Variants in RPH3A observed in about 807,000 individuals in gnomAD.
The protein encoded by RPH3A is rabphilin-3A.
RPH3A carries 48 observed loss-of-function variants against 102.2 expected under a neutral mutation model. The observed-to-expected ratio is 0.47, with a 90% CI of 0.37 to 0.60. The LOEUF is 0.60. RPH3A is among the 20% of genes least tolerant of loss of function. RPH3A has a pLI of 0.00. For synonymous variants in RPH3A, 310 were observed against 324.3 expected (o/e 0.96, Z 0.47); for missense variants, 781 against 910.1 (o/e 0.86, Z 1.83).
chr12:112,664,165 A>G (rs2040069015), intron 1 of RPH3A, among the ~76,000 whole-genome samples: 1 of 152,194 alleles, frequency 6.6e-6, no homozygotes, highest in African/African-American at 2.4e-5. Flanking sequence ...AGAGAGGGGT[A>G]CAAGCGAAAT....
intron 10 of RPH3A, among the ~76,000 whole-genome samples, chr12:112,873,094 A>G (rs1381194775): frequency 6.6e-6 from 1 of 152,170 alleles, no homozygotes; most frequent in Non-Finnish European, 1.5e-5. Flanking sequence ...CTATACTAAG[A>G]TTCTTAGTTG....
intron 1 of RPH3A, among the ~76,000 whole-genome samples, chr12:112,774,063 C>CAAAAAAAAAAAAA (rs11375355): frequency 0.019 from 2,024 of 107,904 alleles, 206 homozygotes; most frequent in African/African-American, 0.077. Flanking sequence ...CCAGCCTGGG[C>CAAAAAAAAAAAAA]AAAAAAAAAA....
At position 112,843,884 on chromosome 12, in the gene RPH3A, C is replaced by T. The variant is rs190110564; in HGVS notation, c.84-3812C>T. 9.2e-5 allele frequency among the ~76,000 whole-genome samples: 14 copies of T among 152,076 alleles called. No individual in the cohort carries two copies. In the East Asian group the frequency reaches 9.7e-4, roughly 11 times the overall value. On this transcript the variant is annotated intron_variant, in intron 4 of 21. Coordinates refer to ENST00000389385, the MANE Select transcript of RPH3A (RefSeq NM_001143854.2). ...GAATTCCATTATGACTGGGGCTCTT[C>T]GGGAAGGGTAGGTGATCTTCATTAC...
intron 1 of RPH3A, among the ~76,000 whole-genome samples, chr12:112,742,575 G>A (rs2040716826): frequency 6.6e-6 from 1 of 152,122 alleles, no homozygotes; most frequent in South Asian, 2.1e-4. Context: ...TTTAACTCAG[G>A]GCTGTTTTCG....
intron 1 of RPH3A, among the ~76,000 whole-genome samples, chr12:112,730,639 C>T (rs781272690): frequency 6.6e-6 from 1 of 152,190 alleles, no homozygotes; most frequent in Non-Finnish European, 1.5e-5. Flanking sequence ...AAACATTTTG[C>T]ACCCCAAACT....
At chr12:112,774,455 G>A (rs1255710542) in intron 1 of RPH3A, among the ~76,000 whole-genome samples, 1 of 152,150 alleles carries the variant, frequency 6.6e-6, no homozygotes, top group African/African-American at 2.4e-5. Context: ...TGGAGAACTG[G>A]GTTCACCCGC....
At chr12:112,857,411 C>T (rs531022719) in intron 5 of RPH3A, among the ~76,000 whole-genome samples, 39 of 152,218 alleles carry the variant, frequency 2.6e-4, no homozygotes, top group African/African-American at 9.4e-4. Flanking sequence ...GGGAGATTAT[C>T]CTGGATTATC....
At position 112,729,670 on chromosome 12, in the gene RPH3A, A is replaced by G. The variant is rs148395892; in HGVS notation, c.-139-62473A>G. Among the ~76,000 whole-genome samples the G allele has an allele frequency of 3.1e-3, 472 of 152,330 alleles. 4 individuals are homozygous for G. Among genetic ancestry groups the G allele is most frequent in the African/African-American group, 0.011 (449 of 41,572 alleles). ...GGAGGAAGGTGAACTGCTAAGCTTG[A>G]TACATAACTCGTAATCCAGTTAGCT... On this transcript the variant is annotated intron_variant, in intron 1 of 21. Coordinates refer to the RPH3A transcript ENST00000543106.
Position 112,655,424 on chromosome 12 carries a change from T to C in RPH3A, c.-140+80105T>C, listed in dbSNP as rs374177638. Among the ~76,000 whole-genome samples the C allele has an allele frequency of 1.2e-4, 18 of 152,296 alleles. No homozygotes were observed. The South Asian group carries it at 3.7e-3, about 32-fold the overall frequency. On this transcript the variant is annotated intron_variant, in intron 1 of 21. Transcript: ENST00000543106. The stretch of plus-strand genomic sequence containing the variant: ...ATCATAGTCGGGTCCAGCCTTTTCT[T>C]TCAGCATTGTAAAACCAACTTTTTG...
At chr12:112,770,109 T>G (rs2040917636) in intron 1 of RPH3A, among the ~76,000 whole-genome samples, 1 of 152,224 alleles carries the variant, frequency 6.6e-6, no homozygotes, top group Admixed American at 6.5e-5. Flanking sequence ...AATAGCTTCA[T>G]GGCATCCCAT....
intron 5 of RPH3A, among the ~76,000 whole-genome samples, chr12:112,855,040 C>A (rs896238026): frequency 6.6e-6 from 1 of 152,214 alleles, no homozygotes; most frequent in Non-Finnish European, 1.5e-5. Context: ...CACATTCTCC[C>A]AACTCTATTT....
chr12:112,750,212 G>T (rs2040777291), intron 1 of RPH3A, among the ~76,000 whole-genome samples: 1 of 152,160 alleles, frequency 6.6e-6, no homozygotes, highest in Non-Finnish European at 1.5e-5. Flanking sequence ...TAATGCAGTG[G>T]ACTTTGTAGT....
At chr12:112,647,886 C>T (rs1347436322) in intron 1 of RPH3A, among the ~76,000 whole-genome samples, 1 of 152,102 alleles carries the variant, frequency 6.6e-6, no homozygotes, top group Non-Finnish European at 1.5e-5. Flanking sequence ...TTGAACAGTG[C>T]CTGACATATA....
intron 1 of RPH3A, among the ~76,000 whole-genome samples, chr12:112,725,711 A>G (rs569127735): frequency 1.5e-4 from 23 of 152,246 alleles, no homozygotes; most frequent in African/African-American, 5.5e-4. Context: ...CTGCCATGTG[A>G]TGACTTTAAA....
intron 1 of RPH3A, among the ~76,000 whole-genome samples, chr12:112,642,941 G>A (rs1451836668): frequency 6.6e-6 from 1 of 152,150 alleles, no homozygotes; most frequent in Admixed American, 6.5e-5. Flanking sequence ...GGTGCTACTG[G>A]CGTCTAGTGA....
At chr12:112,720,318 A>G (rs2040542279) in intron 1 of RPH3A, among the ~76,000 whole-genome samples, 1 of 152,260 alleles carries the variant, frequency 6.6e-6, no homozygotes, top group South Asian at 2.1e-4. Flanking sequence ...AGGCATCTGA[A>G]CATAATGATA....
At chr12:112,711,204 A>G (rs2040458867) in intron 1 of RPH3A, among the ~76,000 whole-genome samples, 1 of 152,138 alleles carries the variant, frequency 6.6e-6, no homozygotes, top group African/African-American at 2.4e-5. Flanking sequence ...TCATTCCTGG[A>G]CCTATTGAGT....
At chr12:112,640,127 C>A (rs1566238581) in intron 1 of RPH3A, among the ~76,000 whole-genome samples, 1 of 151,108 alleles carries the variant, frequency 6.6e-6, no homozygotes, top group African/African-American at 2.4e-5. Flanking sequence ...TCCAGAACAG[C>A]CTGACCAACA....
At chr12:112,725,575 A>G (rs2040582526) in intron 1 of RPH3A, among the ~76,000 whole-genome samples, 1 of 152,140 alleles carries the variant, frequency 6.6e-6, no homozygotes, top group African/African-American at 2.4e-5. Flanking sequence ...GGGGTGCTTC[A>G]GGTGACATCT....
Sources: gnomAD v4.1 joint callset for allele counts (sites outside exome capture counted in the v4.1 genomes callset) on GRCh38, gnomAD v4.1.1 for gene constraint, MANE v1.5 for transcripts, NCBI Gene and HGNC (gene_info 2026-07-23, HGNC 2026-07-21) for gene names.